Variants in TBC1D4 observed in about 807,000 individuals in gnomAD.
The protein encoded by TBC1D4 is TBC1 domain family member 4.
In TBC1D4, 121 loss-of-function variants were observed where a neutral mutation model predicts 142.5. The ratio of observed to expected loss-of-function variants is 0.85; its 90% CI spans 0.73 to 0.99. The LOEUF (loss-of-function observed/expected upper bound fraction) is 0.99, where lower values mean the gene tolerates loss of function less well. TBC1D4 is among the 50% of genes least tolerant of loss of function. The pLI is 0.00. For synonymous variants in TBC1D4, 630 were observed against 628.2 expected (o/e 1.00, Z -0.04); for missense variants, 1,475 against 1,606.6 (o/e 0.92, Z 1.40).
intron 1 of TBC1D4, among the ~76,000 whole-genome samples, chr13:75,480,435 A>G (rs1250877671): frequency 6.6e-6 from 1 of 152,212 alleles, no homozygotes; most frequent in Non-Finnish European, 1.5e-5. Context: ...ATCACTGCAT[A>G]GTCAAGTTCT....
At chr13:75,419,485 G>A (rs182789673) in intron 1 of TBC1D4, among the ~76,000 whole-genome samples, 1 of 152,104 alleles carries the variant, frequency 6.6e-6, no homozygotes, top group Non-Finnish European at 1.5e-5. Context: ...TGTGAGTTCT[G>A]ATGAGGCATA....
chr13:75,302,481 T>C, intron 15 of TBC1D4, 80 bp from the exon 16 acceptor site: 1 of 1,557,520 alleles, frequency 6.4e-7, no homozygotes, highest in Non-Finnish European at 8.8e-7. Context: ...ACTATATAAT[T>C]CTGGTAAACA....
chr13:75,348,252 C>T (rs1401442721), intron 5 of TBC1D4, among the ~76,000 whole-genome samples: 5 of 152,342 alleles, frequency 3.3e-5, no homozygotes, highest in African/African-American at 9.6e-5. Flanking sequence ...GATTCTGCTG[C>T]CTACTGAACA....
chr13:75,470,126 T>C (rs1381300970), intron 1 of TBC1D4, among the ~76,000 whole-genome samples: 2 of 152,210 alleles, frequency 1.3e-5, no homozygotes, highest in African/African-American at 4.8e-5. Flanking sequence ...AAAATACCTA[T>C]TATTTTTTAC....
chr13:75,301,106 T>C (rs1876492513), intron 16 of TBC1D4, among the ~76,000 whole-genome samples: 1 of 152,174 alleles, frequency 6.6e-6, no homozygotes, highest in Admixed American at 6.5e-5. Context: ...TAATATAAGA[T>C]GACCCCAAAC....
intron 1 of TBC1D4, among the ~76,000 whole-genome samples, chr13:75,428,005 A>C (rs895089221): frequency 2.6e-5 from 4 of 152,216 alleles, no homozygotes; most frequent in Non-Finnish European, 4.4e-5. Flanking sequence ...TGGGAAGAAA[A>C]ATTAAAATAA....
In TBC1D4 at chr13:75,349,074, A is replaced by G. The variant is rs1241229989; in HGVS notation, c.1408+96T>C. 3.1e-6 allele frequency: 5 copies of G among 1,588,446 alleles called. No homozygotes were observed. In the Admixed American group the frequency reaches 5.0e-5, roughly 16 times the overall value. ...ATGATTCTTTGGGTTCTTGTTTCACATCGAAACAAAGAACTATTCAATGAC... is the reference window on the plus strand; with the variant it reads ...ATGATTCTTTGGGTTCTTGTTTCACGTCGAAACAAAGAACTATTCAATGAC... On this transcript the variant is annotated intron_variant, in intron 5 of 20. Coordinates refer to ENST00000377636, the MANE Select transcript of TBC1D4 (RefSeq NM_014832.5).
At chr13:75,375,120 A>T (rs3932531) in intron 1 of TBC1D4, among the ~76,000 whole-genome samples, 151,912 of 152,350 alleles carry the variant, frequency 1, 75,739 homozygotes, top group Middle Eastern at 1. Context: ...ATCTGAAGCC[A>T]CAAGTATTAA....
chr13:75,418,154 G>A (rs75222793), intron 1 of TBC1D4, among the ~76,000 whole-genome samples: 2,985 of 152,270 alleles, frequency 0.02, 103 homozygotes, highest in African/African-American at 0.068. Flanking sequence ...ATCACCTAGT[G>A]TGATTCATTT....
chr13:75,420,194 G>A (rs1407708787), intron 1 of TBC1D4, among the ~76,000 whole-genome samples: 1 of 152,150 alleles, frequency 6.6e-6, no homozygotes, highest in Non-Finnish European at 1.5e-5. Context: ...AGAAGGGGTG[G>A]GGGACTTGTG....
rs1874467435 is a variant in TBC1D4 at position 75,283,796 on chromosome 13, C to T, written c.*2996G>A. Reference sequence around the variant, plus strand: ...GGTAACAATGTACTTACATAAATGTCTCCTAAATTATCTTTGTTGTCTGAC... The same window carrying T: ...GGTAACAATGTACTTACATAAATGTTTCCTAAATTATCTTTGTTGTCTGAC... On this transcript the variant is annotated 3_prime_UTR_variant, in exon 21 of 21. Transcript: ENST00000377636. 6.6e-6 allele frequency among the ~76,000 whole-genome samples: 1 copy of T among 152,192 alleles called. No individual in the cohort carries two copies. The highest frequency in any genetic ancestry group is 6.5e-5 in the Admixed American group (1 of 15,278).
chr13:75,345,410 A>C (rs927156926), intron 5 of TBC1D4, among the ~76,000 whole-genome samples: 4 of 152,182 alleles, frequency 2.6e-5, no homozygotes, highest in African/African-American at 9.7e-5. Context: ...ATCCTATCAG[A>C]GAGTGTGATC....
At chr13:75,320,837 C>A (rs1269183363) in intron 11 of TBC1D4, among the ~76,000 whole-genome samples, 3 of 136,650 alleles carry the variant, frequency 2.2e-5, no homozygotes, top group African/African-American at 8.3e-5. Context: ...TCCTGGCTAA[C>A]ACGGTGAAAC....
At chr13:75,334,579 TTTTGTTTG>T (rs962717362) in intron 8 of TBC1D4, among the ~76,000 whole-genome samples, 1 of 151,894 alleles carries the variant, frequency 6.6e-6, no homozygotes, top group Non-Finnish European at 1.5e-5. Flanking sequence ...ACAGGTGGTT[TTTTGTTTG>T]TTTGTTTGTT....
chr13:75,401,106 C>A (rs1412664843), intron 1 of TBC1D4, among the ~76,000 whole-genome samples: 2 of 152,116 alleles, frequency 1.3e-5, no homozygotes, highest in African/African-American at 2.4e-5. Flanking sequence ...CTCTAATATG[C>A]TGTGGTATCA....
chr13:75,300,771 C>T (rs1221440573), intron 16 of TBC1D4, among the ~76,000 whole-genome samples: 11 of 152,166 alleles, frequency 7.2e-5, no homozygotes, highest in Non-Finnish European at 1.5e-4. Flanking sequence ...TTTAATAGGA[C>T]ATCGTGACTA....
chr13:75,352,315 C>G (rs1169956142), intron 4 of TBC1D4, among the ~76,000 whole-genome samples: 1 of 152,082 alleles, frequency 6.6e-6, no homozygotes, highest in African/African-American at 2.4e-5. Flanking sequence ...TATTTCATTT[C>G]TAATGAAATA....
intron 4 of TBC1D4, among the ~76,000 whole-genome samples, chr13:75,351,728 T>C (rs949560566): frequency 6.6e-6 from 1 of 152,172 alleles, no homozygotes; most frequent in Non-Finnish European, 1.5e-5. Context: ...GTTTCATCCA[T>C]GTCCCTAACA....
intron 12 of TBC1D4, among the ~76,000 whole-genome samples, chr13:75,318,266 T>A (rs1037553585): frequency 6.6e-6 from 1 of 152,206 alleles, no homozygotes; most frequent in Non-Finnish European, 1.5e-5. Context: ...AAGGTGGTGT[T>A]ATACTGAGCA....
Sources: gnomAD v4.1 joint callset for allele counts (sites outside exome capture counted in the v4.1 genomes callset) on GRCh38, gnomAD v4.1.1 for gene constraint, MANE v1.5 for transcripts, NCBI Gene and HGNC (gene_info 2026-07-23, HGNC 2026-07-21) for gene names.